Variants in TBC1D22A observed in about 807,000 individuals in gnomAD.
TBC1D22A encodes TBC1 domain family member 22A, also known as putative GTPase activator.
In TBC1D22A, 38 loss-of-function variants were observed where a neutral mutation model predicts 60.2. The observed-to-expected ratio is 0.63, with a 90% confidence interval of 0.49 to 0.83. TBC1D22A has a LOEUF of 0.83. Ranked by LOEUF, TBC1D22A falls within the 40% of genes least tolerant of loss-of-function variation. TBC1D22A has a pLI of 0.00. For missense variants in TBC1D22A, 628 were observed against 701.0 expected (o/e 0.90, Z 1.18); for synonymous variants, 302 against 281.7 (o/e 1.07, Z -0.72).
chr22:46,858,741 C>T (rs1602185292), intron 4 of TBC1D22A, among the ~76,000 whole-genome samples: 1 of 152,262 alleles, frequency 6.6e-6, no homozygotes, highest in African/African-American at 2.4e-5. Flanking sequence ...GATGGAAGGG[C>T]TAAGGAGAGG....
At chr22:46,847,963 G>GCT (rs2087096685) in intron 4 of TBC1D22A, among the ~76,000 whole-genome samples, 2 of 141,750 alleles carry the variant, frequency 1.4e-5, no homozygotes, top group African/African-American at 5.5e-5. Flanking sequence ...GTGCGCGCGC[G>GCT]CACGCGCTCT....
intron 9 of TBC1D22A, among the ~76,000 whole-genome samples, chr22:46,988,957 C>T (rs2074831382): frequency 6.6e-6 from 1 of 152,232 alleles, no homozygotes. Context: ...TTTAGAGTAG[C>T]CACCTTCGTC....
Position 47,057,065 on chromosome 22 carries a change from A to G in TBC1D22A, c.1329+19867A>G, listed in dbSNP as rs542133284. The stretch of plus-strand genomic sequence containing the variant: ...CCTGGCAGGTGCCTGACCCTGCCTT[A>G]GCCCCGGGTCTGTGGCATTCTGGCC... On this transcript the variant is annotated intron_variant, in intron 11 of 12. Transcript: ENST00000337137. 1.1e-4 allele frequency among the ~76,000 whole-genome samples: 16 copies of G among 152,332 alleles called. No homozygotes were observed. In the East Asian group the frequency reaches 2.7e-3, roughly 26 times the overall value.
chr22:47,103,509 C>G (rs895615998), intron 11 of TBC1D22A, among the ~76,000 whole-genome samples: 2 of 152,154 alleles, frequency 1.3e-5, no homozygotes, highest in African/African-American at 2.4e-5. Context: ...GATGTCCGGT[C>G]TGCTCTGCCT....
At chr22:46,794,434 G>A (rs2084563307) in intron 3 of TBC1D22A, among the ~76,000 whole-genome samples, 1 of 152,244 alleles carries the variant, frequency 6.6e-6, no homozygotes. Flanking sequence ...CTGGTGTGCA[G>A]CAGCTGTTCT....
chr22:47,035,256 T>C (rs1311353284), intron 10 of TBC1D22A, among the ~76,000 whole-genome samples: 27 of 152,146 alleles, frequency 1.8e-4, no homozygotes, highest in Admixed American at 1.8e-3. Context: ...ACCTGCTCTC[T>C]CTGCAGGCCT....
chr22:46,922,950 CA>C (rs1443392644), intron 8 of TBC1D22A, among the ~76,000 whole-genome samples: 1 of 152,126 alleles, frequency 6.6e-6, no homozygotes, highest in Non-Finnish European at 1.5e-5. Flanking sequence ...CAAGGACTTC[CA>C]GTACTCTATT....
intron 11 of TBC1D22A, among the ~76,000 whole-genome samples, chr22:47,048,057 T>C (rs2063087469): frequency 6.6e-6 from 1 of 152,206 alleles, no homozygotes; most frequent in Non-Finnish European, 1.5e-5. Context: ...AGGGTCCCAA[T>C]GGAGGCTGAG....
At chr22:46,965,302 G>T (rs112862374) in intron 8 of TBC1D22A, among the ~76,000 whole-genome samples, 6 of 152,206 alleles carry the variant, frequency 3.9e-5, no homozygotes, top group Admixed American at 3.9e-4. Context: ...TGTGGGGGCG[G>T]GGTGCCCCGC....
rs565691737 is a variant in TBC1D22A, at chr22:47,053,452, C to G, written c.1329+16254C>G. 2.0e-5 allele frequency among the ~76,000 whole-genome samples: 3 copies of G among 152,314 alleles called. No individual in the cohort carries two copies. The South Asian group carries it at 6.2e-4, about 32-fold the overall frequency. Reference sequence around the variant, plus strand: ...GCAAGCAGGGTGGCCTGTCCCAGGGCCGCCTCGTCAGGCGCACTCAGAGGC... The same window carrying G: ...GCAAGCAGGGTGGCCTGTCCCAGGGGCGCCTCGTCAGGCGCACTCAGAGGC... On this transcript the variant is annotated intron_variant, in intron 11 of 12. Transcript: ENST00000337137.
chr22:46,984,915 C>T (rs4441), intron 9 of TBC1D22A, among the ~76,000 whole-genome samples: 36,573 of 152,000 alleles, frequency 0.24, 4,719 homozygotes, highest in East Asian at 0.29. Context: ...ACCAGGGAGG[C>T]GACAGGGTAG....
At chr22:47,010,776 C>A (rs1386992743) in intron 10 of TBC1D22A, among the ~76,000 whole-genome samples, 1 of 151,922 alleles carries the variant, frequency 6.6e-6, no homozygotes, top group African/African-American at 2.4e-5. Context: ...CATTGAAACT[C>A]TAAATGGATA....
chr22:46,830,988 G>C (rs1023960905), intron 4 of TBC1D22A, among the ~76,000 whole-genome samples: 4 of 152,116 alleles, frequency 2.6e-5, no homozygotes, highest in Non-Finnish European at 5.9e-5. Context: ...GAGCCTCAGG[G>C]TCCCAGTGAG....
At chr22:46,851,307 A>G (rs559000111) in intron 4 of TBC1D22A, among the ~76,000 whole-genome samples, 1 of 152,340 alleles carries the variant, frequency 6.6e-6, no homozygotes, top group Non-Finnish European at 1.5e-5. Context: ...CTTTCACCGT[A>G]TTCCTACCTG....
At chr22:47,093,775 G>A (rs1165365483) in intron 11 of TBC1D22A, among the ~76,000 whole-genome samples, 2 of 152,200 alleles carry the variant, frequency 1.3e-5, no homozygotes, top group Non-Finnish European at 2.9e-5. Context: ...ACCATTGCCA[G>A]ATATTTGGTC....
chr22:47,060,474 A>G lies in TBC1D22A; in HGVS notation c.1329+23276A>G, dbSNP rs556465039. On this transcript the variant is annotated intron_variant, in intron 11 of 12. Coordinates refer to ENST00000337137, the MANE Select transcript of TBC1D22A (RefSeq NM_014346.5). ...GAGATGGAGTCTCGCTCTGTAGCCCAGGCTAGAGTGCAGTGGCACAATCTC... is the reference window on the plus strand; with the variant it reads ...GAGATGGAGTCTCGCTCTGTAGCCCGGGCTAGAGTGCAGTGGCACAATCTC... Among the ~76,000 whole-genome samples, 6 of 152,200 alleles carry G rather than the reference A, an allele frequency of 3.9e-5. No individual in the cohort carries two copies. The South Asian group carries it at 1.2e-3, about 32-fold the overall frequency.
intron 10 of TBC1D22A, among the ~76,000 whole-genome samples, chr22:47,005,554 C>T (rs1056363224): frequency 6.6e-6 from 1 of 151,642 alleles, no homozygotes; most frequent in Admixed American, 6.6e-5. Flanking sequence ...TACCCTCCTA[C>T]ACACATATGC....
intron 8 of TBC1D22A, among the ~76,000 whole-genome samples, chr22:46,940,497 C>G (rs1216170175): frequency 6.8e-6 from 1 of 147,640 alleles, no homozygotes; most frequent in Admixed American, 6.8e-5. Flanking sequence ...TACACACACA[C>G]AGTCTACCCT....
At chr22:46,784,005 C>T (rs1207371514) in intron 1 of TBC1D22A, among the ~76,000 whole-genome samples, 7 of 152,160 alleles carry the variant, frequency 4.6e-5, no homozygotes, top group Non-Finnish European at 1.0e-4. Context: ...TAGATTACTG[C>T]AGTGTTTCAA....
Sources: allele counts gnomAD v4.1 joint callset (sites outside exome capture counted in the v4.1 genomes callset), GRCh38; gene constraint gnomAD v4.1.1; transcripts MANE v1.5; gene names NCBI Gene and HGNC (gene_info 2026-07-23, HGNC 2026-07-21).